Variants in SPAG17 observed in about 807,000 individuals in gnomAD.
SPAG17 encodes the protein sperm associated antigen 17, also known as sperm-associated antigen 17.
In SPAG17, 169 loss-of-function variants were observed where a neutral mutation model predicts 273.6. That is an observed-to-expected ratio of 0.62 (90% CI 0.55 to 0.70). The LOEUF is 0.70. Ranked by LOEUF, SPAG17 falls within the 30% of genes least tolerant of loss-of-function variation. The pLI is 0.00. For synonymous variants in SPAG17, 825 were observed against 873.2 expected, an observed-to-expected ratio of 0.94 and a Z score of 0.97; for missense variants, 2,557 against 2,627.8, an observed-to-expected ratio of 0.97 and a Z score of 0.59.
chr1:117,986,542 T>C (rs878873343), intron 40 of SPAG17, among the ~76,000 whole-genome samples: 1 of 152,200 alleles, frequency 6.6e-6, no homozygotes, highest in East Asian at 1.9e-4. Context: ...AGTTAAAACT[T>C]GAAATTGTTA....
chr1:117,958,746 T>A (rs1283946552), intron 48 of SPAG17, among the ~76,000 whole-genome samples: 2 of 149,710 alleles, frequency 1.3e-5, no homozygotes, highest in African/African-American at 4.9e-5. Flanking sequence ...AACTGAATAG[T>A]AGAGAAAGAA....
chr1:118,142,215 C>T (rs1658719160), intron 3 of SPAG17, among the ~76,000 whole-genome samples: 3 of 152,150 alleles, frequency 2.0e-5, no homozygotes, highest in Admixed American at 1.3e-4. Context: ...TATGCCAAAC[C>T]AGGCACAACA....
In SPAG17 at chr1:118,086,042, C is replaced by T. The variant is rs1654969306; in HGVS notation, c.1642G>A (p.Glu548Lys). Residue 548 changes from glutamate (E) to lysine (K), a missense_variant, in exon 13 of 49, where the codon GAG (glutamate) becomes AAG (lysine). Glu to Lys is a moderately conservative substitution (Grantham distance 56). Transcript: ENST00000336338. ...DQKNFDPVQI[E>K]QEMQSKLPLW... ...GGCAACTTGGACTGCATCTCCTGCT[C>T]AATTTGAACTGGATCAAAATTCTTT... 1.9e-6 allele frequency: 3 copies of T among 1,613,516 alleles called. No individual in the cohort carries two copies. The highest frequency in any genetic ancestry group is 2.2e-5 in the South Asian group (2 of 90,960).
At chr1:117,998,031 T>C (rs951416871) in intron 32 of SPAG17, among the ~76,000 whole-genome samples, 21 of 152,180 alleles carry the variant, frequency 1.4e-4, no homozygotes, top group African/African-American at 5.1e-4. Context: ...TGATAGTTTC[T>C]TTTGCTGTAC....
At position 118,054,089 on chromosome 1, in the gene SPAG17, GT is replaced by G. The variant is rs1651379553; in HGVS notation, c.2726del (p.Asn909ThrfsTer25). On this transcript the variant is annotated frameshift_variant, in exon 20 of 49. Transcript: ENST00000336338. LOFTEE classifies it high-confidence loss of function. The part of the protein sequence containing the change: ...KIFSIKESKS[N>X]KGISKTEISD... The stretch of plus-strand genomic sequence containing the variant: ...ATATCTCTGTTTTGCTGATTCCTTT[GT>G]TACCTATAATCAGATAAAATTAAAC... 6.3e-7 allele frequency: 1 copy of G among 1,591,376 alleles called. No homozygotes were observed.
intron 42 of SPAG17, among the ~76,000 whole-genome samples, chr1:117,983,451 G>C (rs1464817452): frequency 1.3e-5 from 2 of 152,174 alleles, no homozygotes; most frequent in Non-Finnish European, 2.9e-5. Context: ...AGTTAAGGTA[G>C]AAAATGCTGA....
At position 117,988,094 on chromosome 1, in the gene SPAG17, G is replaced by T; in HGVS notation, c.5621+11C>A. Reference sequence around the variant, plus strand: ...TAATACTAATTAGAACACATTATTGGATTAGCTTACCTCCATGTCTTTTCA... The same window carrying T: ...TAATACTAATTAGAACACATTATTGTATTAGCTTACCTCCATGTCTTTTCA... On this transcript the variant is annotated intron_variant, in intron 39 of 48. Coordinates refer to ENST00000336338, the MANE Select transcript of SPAG17 (RefSeq NM_206996.4). 2 of 1,585,910 alleles carry T rather than the reference G, an allele frequency of 1.3e-6. No individual in the cohort carries two copies. The highest frequency in any genetic ancestry group is 1.7e-6 in the Non-Finnish European group (2 of 1,168,154).
intron 18 of SPAG17, among the ~76,000 whole-genome samples, chr1:118,062,466 A>T (rs893436333): frequency 2.0e-5 from 3 of 151,870 alleles, no homozygotes; most frequent in Admixed American, 1.3e-4. Flanking sequence ...CATTAATGTC[A>T]AACATATCAA....
intron 46 of SPAG17, among the ~76,000 whole-genome samples, chr1:117,969,521 G>C (rs1654309204): frequency 6.6e-6 from 1 of 152,176 alleles, no homozygotes; most frequent in African/African-American, 2.4e-5. Context: ...AGAGGTTGCA[G>C]TGAGCTGAGA....
intron 1 of SPAG17, among the ~76,000 whole-genome samples, chr1:118,183,378 C>G (rs1661036302): frequency 6.6e-6 from 1 of 152,080 alleles, no homozygotes; most frequent in Admixed American, 6.5e-5. Context: ...CATTGAACTG[C>G]TGGGTTAATC....
chr1:118,059,606 A>G (rs889119004), intron 18 of SPAG17, among the ~76,000 whole-genome samples: 13 of 152,130 alleles, frequency 8.5e-5, no homozygotes, highest in African/African-American at 3.1e-4. Context: ...TTGCTGTTCA[A>G]TGTTGTGTAC....
intron 28 of SPAG17, among the ~76,000 whole-genome samples, chr1:118,019,766 C>T (rs547103436): frequency 6.6e-6 from 1 of 152,120 alleles, no homozygotes; most frequent in Admixed American, 6.5e-5. Flanking sequence ...TGATAGCCAA[C>T]TTTTCAACAG....
chr1:118,031,086 T>G (rs1035550598), intron 25 of SPAG17, among the ~76,000 whole-genome samples: 2 of 151,858 alleles, frequency 1.3e-5, no homozygotes, highest in African/African-American at 4.8e-5. Context: ...CATCTTTTGA[T>G]CTTTGTTTTA....
intron 40 of SPAG17, 60 bp from the exon 41 acceptor site, chr1:117,984,842 G>T: frequency 9.0e-7 from 1 of 1,109,884 alleles, no homozygotes; most frequent in Non-Finnish European, 1.4e-6. Context: ...AGTGTTGTTT[G>T]TTTGTGCTTT....
At chr1:117,988,305 A>G (rs138673820) in intron 38 of SPAG17, 101 bp from the exon 39 acceptor site, 2 of 754,096 alleles carry the variant, frequency 2.7e-6, no homozygotes, top group African/African-American at 1.8e-5. Flanking sequence ...AAGAGCCTAT[A>G]TAGTTAATCT....
intron 12 of SPAG17, 109 bp from the exon 13 acceptor site, chr1:118,086,181 G>C (rs1228159990): frequency 9.4e-7 from 1 of 1,067,766 alleles, no homozygotes; most frequent in Non-Finnish European, 1.4e-6. Context: ...TTTGGGAACA[G>C]GGGAAATCAA....
At chr1:118,044,900 T>A (rs1650180873) in intron 20 of SPAG17, among the ~76,000 whole-genome samples, 1 of 152,196 alleles carries the variant, frequency 6.6e-6, no homozygotes, top group South Asian at 2.1e-4. Flanking sequence ...TGAAGAACTG[T>A]GAGCCAATTA....
At chr1:118,075,256 C>T (rs752370689) in intron 15 of SPAG17, among the ~76,000 whole-genome samples, 1 of 152,144 alleles carries the variant, frequency 6.6e-6, no homozygotes, top group Non-Finnish European at 1.5e-5. Flanking sequence ...ACGAGTCATG[C>T]ACACTATGGA....
intron 43 of SPAG17, among the ~76,000 whole-genome samples, chr1:117,975,387 G>A (rs12025940): frequency 2.0e-5 from 3 of 152,108 alleles, no homozygotes; most frequent in African/African-American, 7.2e-5. Context: ...GTGAATTTGA[G>A]TTTTAGTTCT....
Sources: gnomAD v4.1 joint callset for allele counts (sites outside exome capture counted in the v4.1 genomes callset) on GRCh38, gnomAD v4.1.1 for gene constraint, MANE v1.5 for transcripts, NCBI Gene and HGNC (gene_info 2026-07-23, HGNC 2026-07-21) for gene names.